The following PHACTR2 variants were observed in gnomAD, a reference collection of about 807,000 sequenced individuals.
PHACTR2 encodes the protein phosphatase and actin regulator 2, also known as chromosome 6 open reading frame 56.
PHACTR2 carries 30 observed loss-of-function variants against 76.0 expected under a neutral mutation model. The observed-to-expected ratio is 0.39, with a 90% CI of 0.30 to 0.54. The LOEUF (loss-of-function observed/expected upper bound fraction) is 0.54, where lower values mean the gene tolerates loss of function less well. Ranked by LOEUF, PHACTR2 falls within the 20% of genes least tolerant of loss-of-function variation. The pLI is 0.61. For missense variants in PHACTR2, 696 were observed against 781.1 expected, an observed-to-expected ratio of 0.89 and a Z score of 1.30; for synonymous variants, 292 against 292.5, an observed-to-expected ratio of 1.00 and a Z score of 0.02.
rs530240831 is a variant in PHACTR2 at position 143,602,429 on chromosome 6, T to A, written c.217+65222T>A. 8.5e-5 allele frequency among the ~76,000 whole-genome samples: 13 copies of A among 152,282 alleles called. No individual in the cohort carries two copies. Among genetic ancestry groups the A allele is most frequent in the Non-Finnish European group, 1.6e-4 (11 of 68,018 alleles). On this transcript the variant is annotated intron_variant, in intron 1 of 11. Transcript: ENST00000367584. The surrounding 1 kb of genome is among the most constrained non-coding windows in gnomAD (Gnocchi z 6.1). The stretch of plus-strand genomic sequence containing the variant: ...CCAACCTCATTTCTTGAGCCAGGAC[T>A]CTCCATTCAAGCAGAGCCTGGCTCT...
intron 2 of PHACTR2, among the ~76,000 whole-genome samples, chr6:143,717,320 T>A (rs868083816): frequency 2.6e-5 from 4 of 152,350 alleles, no homozygotes; most frequent in African/African-American, 7.2e-5. Context: ...CAGCTGATCC[T>A]CCTTTGCCTG....
chr6:143,601,143 C>T (rs1342612471), intron 1 of PHACTR2, among the ~76,000 whole-genome samples: 1 of 152,134 alleles, frequency 6.6e-6, no homozygotes, highest in Non-Finnish European at 1.5e-5. Context: ...GGCACCGTGC[C>T]TGGTAAATAG....
At chr6:143,771,194 GTATATATATATATA>G (rs769993035) in intron 6 of PHACTR2, among the ~76,000 whole-genome samples, 578 of 40,486 alleles carry the variant, frequency 0.014, 37 homozygotes, top group African/African-American at 0.05. Context: ...ATATATGTGT[GTATATATATATATA>G]TATATATATA....
chr6:143,667,930 G>C (rs1217236792), intron 1 of PHACTR2, among the ~76,000 whole-genome samples: 4 of 152,156 alleles, frequency 2.6e-5, no homozygotes, highest in Admixed American at 1.3e-4. Context: ...GAATAGGAGT[G>C]GTGAGAGAGG....
At position 143,639,459 on chromosome 6, in the gene PHACTR2, T is replaced by C. The variant is rs1173722063; in HGVS notation, c.13+31137T>C. Among the ~76,000 whole-genome samples the C allele has an allele frequency of 6.6e-6, 1 of 152,228 alleles. No homozygotes were observed. The highest frequency in any genetic ancestry group is 1.5e-5 in the Non-Finnish European group (1 of 68,038). On this transcript the variant is annotated intron_variant, in intron 1 of 11. Coordinates refer to the PHACTR2 transcript ENST00000305766. This position sits in a 1 kb window ranked among gnomAD's most constrained non-coding sequence, Gnocchi z 5.0. ...GACACAAGCAAAATAATTCTTATTTTTAATTCACACTTTTGTTTTCTGCTT... is the reference window on the plus strand; with the variant it reads ...GACACAAGCAAAATAATTCTTATTTCTAATTCACACTTTTGTTTTCTGCTT...
chr6:143,715,688 G>A (rs1212796349), intron 2 of PHACTR2, among the ~76,000 whole-genome samples: 2 of 152,188 alleles, frequency 1.3e-5, no homozygotes, highest in Admixed American at 6.5e-5. Flanking sequence ...GGAAGAGGGA[G>A]TGGAAAAGTA....
intron 1 of PHACTR2, among the ~76,000 whole-genome samples, chr6:143,660,822 A>G (rs1035414139): frequency 6.6e-6 from 1 of 152,232 alleles, no homozygotes; most frequent in African/African-American, 2.4e-5. Flanking sequence ...GGAGAAGTAC[A>G]GGCCAGATAT....
intron 2 of PHACTR2, among the ~76,000 whole-genome samples, chr6:143,736,145 C>T (rs1428350954): frequency 2.0e-5 from 3 of 152,190 alleles, no homozygotes; most frequent in African/African-American, 7.2e-5. Context: ...CCTCCTGCCT[C>T]ATCCAGATAA....
At position 143,807,077 on chromosome 6, in the gene PHACTR2, A is replaced by C; in HGVS notation, c.1866A>C (p.Leu622=). The C allele has an allele frequency of 6.2e-7, 1 of 1,603,720 alleles. No homozygotes were observed. Among genetic ancestry groups the C allele is most frequent in the Non-Finnish European group, 8.5e-7 (1 of 1,171,544 alleles). ...PADKAAIRKE[L]NEFKSTEMEV... is the part of the protein sequence containing the mutation. ...TTTAGGCAGCAATAAGGAAAGAACT[A>C]AATGAATTTAAAAGCACAGAAATGG... The change falls in exon 12 of 13, where the codon CTA becomes CTC. Residue 622 remains leucine, a synonymous_variant. Coordinates refer to ENST00000440869, the MANE Select transcript of PHACTR2 (RefSeq NM_001100164.2). The surrounding 1 kb of genome is among the most constrained non-coding windows in gnomAD (Gnocchi z 5.5).
rs1429899019 is a variant in PHACTR2 at position 143,811,240 on chromosome 6, C to T, written c.1922+4107C>T. On this transcript the variant is annotated intron_variant, in intron 12 of 12. Transcript: ENST00000440869. The surrounding 1 kb of genome is among the most constrained non-coding windows in gnomAD (Gnocchi z 4.1). ...ATGTGAAATTCTCTTTTAATATACA[C>T]ATCGGTCAATTTCTGGATTGCTTAT... is the stretch of plus-strand genomic sequence containing the variant. 6.6e-6 allele frequency among the ~76,000 whole-genome samples: 1 copy of T among 152,174 alleles called. No individual in the cohort carries two copies. The highest frequency in any genetic ancestry group is 1.5e-5 in the Non-Finnish European group (1 of 68,028).
Position 143,686,131 on chromosome 6 carries a change from CA to C in PHACTR2, c.46+7938del, listed in dbSNP as rs555725210. 3.7e-3 allele frequency among the ~76,000 whole-genome samples: 393 copies of C among 105,026 alleles called. 1 individual carries two copies. The highest frequency in any genetic ancestry group is 0.013 in the Middle Eastern group (2 of 158). 68.9% of individuals were successfully genotyped at this position (105,026 alleles called of 152,430 possible). ...TGGACGACAGAGTGAGATTCTGTCT[CA>C]AAAAAAAAAAAAAAAGTGCACTTAG... On this transcript the variant is annotated intron_variant, in intron 1 of 12. Coordinates refer to ENST00000440869, the MANE Select transcript of PHACTR2 (RefSeq NM_001100164.2).
At chr6:143,544,238 G>A (rs1157193882) in intron 1 of PHACTR2, among the ~76,000 whole-genome samples, 1 of 123,784 alleles carries the variant, frequency 8.1e-6, no homozygotes, top group Non-Finnish European at 1.6e-5. Flanking sequence ...CCAGGAGGGA[G>A]GGAGGGAGGG....
Position 143,578,329 on chromosome 6 carries a change from A to G in PHACTR2, c.217+41122A>G, listed in dbSNP as rs139624926. On this transcript the variant is annotated intron_variant, in intron 1 of 11. Transcript: ENST00000367584. This position sits in a 1 kb window ranked among gnomAD's most constrained non-coding sequence, Gnocchi z 4.5. ...CTTCTAGGATGATCTAGTTTGATTCAACTCTTCTTGGCCCTTAACTTTCCT... is the reference window on the plus strand; with the variant it reads ...CTTCTAGGATGATCTAGTTTGATTCGACTCTTCTTGGCCCTTAACTTTCCT... Among the ~76,000 whole-genome samples, 21 of 152,278 alleles carry G rather than the reference A, an allele frequency of 1.4e-4. No homozygotes were observed. The highest frequency in any genetic ancestry group is 4.8e-4 in the African/African-American group (20 of 41,554).
In PHACTR2 at chr6:143,823,030, G is replaced by A. The variant is rs1239932507; in HGVS notation, c.1923-644G>A. ...CTAATAGGAAATGCTGGATGAGGGA[G>A]AGAAATGAATTGCTAATCTGAGGTT... On this transcript the variant is annotated intron_variant, in intron 12 of 12. Coordinates refer to ENST00000440869, the MANE Select transcript of PHACTR2 (RefSeq NM_001100164.2). This position sits in a 1 kb window ranked among gnomAD's most constrained non-coding sequence, Gnocchi z 5.7. Among the ~76,000 whole-genome samples, 1 of 152,204 alleles carries A rather than the reference G, an allele frequency of 6.6e-6. No individual in the cohort carries two copies. Among genetic ancestry groups the A allele is most frequent in the African/African-American group, 2.4e-5 (1 of 41,460 alleles).
chr6:143,541,443 T>C lies in PHACTR2; in HGVS notation c.217+4236T>C, dbSNP rs1360221656. Among the ~76,000 whole-genome samples the C allele has an allele frequency of 6.6e-6, 1 of 152,228 alleles. No homozygotes were observed. Among genetic ancestry groups the C allele is most frequent in the Non-Finnish European group, 1.5e-5 (1 of 68,046 alleles). On this transcript the variant is annotated intron_variant, in intron 1 of 11. Transcript: ENST00000367584. The surrounding 1 kb of genome is among the most constrained non-coding windows in gnomAD (Gnocchi z 5.3). ...AGATGTTTTTATTTTCATGTGATGA[T>C]GCTTAGTCTTGCACATTGCACATTG...
chr6:143,771,174 GTATATATATATATATGTGTGTATATA>G (rs1775110895), intron 6 of PHACTR2, among the ~76,000 whole-genome samples: 17 of 68,856 alleles, frequency 2.5e-4, no homozygotes, highest in East Asian at 9.9e-4. Context: ...ATATATATAT[GTATATATATATATATGTGTGTATATA>G]TATATATATA....
upstream of PHACTR2, among the ~76,000 whole-genome samples, chr6:143,607,203 G>C (rs542862420): frequency 5.9e-5 from 9 of 152,286 alleles, no homozygotes; most frequent in Non-Finnish European, 1.2e-4. Flanking sequence ...AAAAGACCTG[G>C]AGAGCCTAAC....
chr6:143,776,276 G>A lies in PHACTR2; in HGVS notation c.1590-1052G>A, dbSNP rs1775270865. Among the ~76,000 whole-genome samples the A allele has an allele frequency of 6.6e-6, 1 of 152,078 alleles. No individual in the cohort carries two copies. Among genetic ancestry groups the A allele is most frequent in the Non-Finnish European group, 1.5e-5 (1 of 68,012 alleles). ...CACAATTATTTGTGGTGAAGAAAAG[G>A]TATAAATTGTAGGAAAGATATACTG... On this transcript the variant is annotated intron_variant, in intron 8 of 12. Coordinates refer to ENST00000440869, the MANE Select transcript of PHACTR2 (RefSeq NM_001100164.2). The surrounding 1 kb of genome is among the most constrained non-coding windows in gnomAD (Gnocchi z 5.3).
chr6:143,584,637 A>C (rs1172073611), intron 1 of PHACTR2, among the ~76,000 whole-genome samples: 1 of 152,188 alleles, frequency 6.6e-6, no homozygotes, highest in Non-Finnish European at 1.5e-5. Context: ...ATGTTGGTCA[A>C]GTTCTACTAC....
Sources: allele counts gnomAD v4.1 joint callset (sites outside exome capture counted in the v4.1 genomes callset), GRCh38; gene constraint gnomAD v4.1.1; non-coding constraint Gnocchi (gnomAD v3.1); transcripts MANE v1.5; gene names NCBI Gene and HGNC (gene_info 2026-07-23, HGNC 2026-07-21).